The following LRBA variants were observed in gnomAD, a reference collection of about 807,000 sequenced individuals.
The protein encoded by LRBA is LPS responsive beige-like anchor protein, also known as lipopolysaccharide-responsive and beige-like anchor protein.
A neutral mutation model predicts 330.0 loss-of-function variants in LRBA; 176 were observed. That is an observed-to-expected ratio of 0.53 (90% CI 0.47 to 0.60). The LOEUF is 0.60. Ranked by LOEUF, LRBA falls within the 20% of genes least tolerant of loss-of-function variation. The pLI is 0.00. For synonymous variants in LRBA, 1,230 were observed against 1,193.0 expected, an observed-to-expected ratio of 1.03 and a Z score of -0.64; for missense variants, 3,259 against 3,444.8, an observed-to-expected ratio of 0.95 and a Z score of 1.35.
intron 47 of LRBA, among the ~76,000 whole-genome samples, chr4:150,408,564 T>TA (rs1164941258): frequency 6.6e-6 from 1 of 152,038 alleles, no homozygotes; most frequent in Non-Finnish European, 1.5e-5. Flanking sequence ...ACCCTGATAA[T>TA]AAAGTCAGAT....
At position 150,583,039 on chromosome 4, in the gene LRBA, G is replaced by A. The variant is rs200992768; in HGVS notation, c.6330+5009C>T. The A allele has an allele frequency of 7.1e-5, 113 of 1,595,624 alleles. No homozygotes were observed. In the East Asian group the frequency reaches 2.4e-3, roughly 33 times the overall value. On this transcript the variant is annotated intron_variant, in intron 40 of 56. Coordinates refer to ENST00000651943, the MANE Select transcript of LRBA (RefSeq NM_001364905.1). The surrounding 1 kb of genome is among the most constrained non-coding windows in gnomAD (Gnocchi z 9.8). ...GGACCTGTGCCCCAACATGATCGCC[G>A]CTCAGGCCAAGCTGGTTTACCAGCT...
intron 22 of LRBA, 68 bp downstream of exon 22, chr4:150,867,603 T>C: frequency 7.7e-7 from 1 of 1,305,754 alleles, no homozygotes. Context: ...CGAAATTTTT[T>C]AAATGACTAA....
At chr4:150,746,417 C>T (rs1297995573) in intron 35 of LRBA, among the ~76,000 whole-genome samples, 3 of 151,914 alleles carry the variant, frequency 2.0e-5, no homozygotes, top group African/African-American at 7.2e-5. Flanking sequence ...AAATATCAGT[C>T]ATATCTTCCT....
intron 40 of LRBA, among the ~76,000 whole-genome samples, chr4:150,538,989 T>C (rs1364389152): frequency 6.6e-6 from 1 of 152,032 alleles, no homozygotes; most frequent in Non-Finnish European, 1.5e-5. Flanking sequence ...CTTTTTTTTT[T>C]TGTTAGACAG....
At chr4:150,777,522 T>C (rs1463864735) in intron 34 of LRBA, among the ~76,000 whole-genome samples, 1 of 152,148 alleles carries the variant, frequency 6.6e-6, no homozygotes, top group Non-Finnish European at 1.5e-5. Context: ...TATGCCCTTG[T>C]AAAACGAAGC....
At chr4:150,528,525 T>C (rs776737369) in intron 40 of LRBA, among the ~76,000 whole-genome samples, 1 of 151,870 alleles carries the variant, frequency 6.6e-6, no homozygotes, top group Non-Finnish European at 1.5e-5. Flanking sequence ...AGTGATACTT[T>C]CTTAATTTCC....
At chr4:150,666,482 C>G (rs572001944) in intron 37 of LRBA, among the ~76,000 whole-genome samples, 1 of 151,822 alleles carries the variant, frequency 6.6e-6, no homozygotes, top group Admixed American at 6.6e-5. Context: ...ACTGTGTACT[C>G]CAGCCTGGGC....
intron 34 of LRBA, among the ~76,000 whole-genome samples, chr4:150,777,415 C>T (rs1737541174): frequency 6.6e-6 from 1 of 151,858 alleles, no homozygotes; most frequent in South Asian, 2.1e-4. Context: ...GAACTCATGT[C>T]AAACTGTTTC....
chr4:150,817,350 AT>A (rs1317603811), intron 30 of LRBA, 93 bp from the exon 31 acceptor site: 2 of 1,121,796 alleles, frequency 1.8e-6, no homozygotes, highest in Non-Finnish European at 2.6e-6. Context: ...TAGCTAACTT[AT>A]TTTTCTAATT....
chr4:150,639,813 GTGTGTGTATATATATATATATA>G (rs1778431884), intron 37 of LRBA, among the ~76,000 whole-genome samples: 180 of 7,260 alleles, frequency 0.025, 19 homozygotes, highest in Non-Finnish European at 0.048. Flanking sequence ...ATATGTGTGT[GTGTGTGTATATATATATATATA>G]TATATATATA....
At chr4:150,455,708 A>C (rs1382067264) in intron 44 of LRBA, among the ~76,000 whole-genome samples, 1 of 152,128 alleles carries the variant, frequency 6.6e-6, no homozygotes, top group Non-Finnish European at 1.5e-5. Flanking sequence ...CAATTATATT[A>C]GTGTTGACTA....
At position 150,828,496 on chromosome 4, in the gene LRBA, C is replaced by A. The variant is rs143883830; in HGVS notation, c.4855G>T (p.Val1619Leu). The change falls in exon 30 of 57, where the codon GTG becomes TTG. Residue 1619 changes from valine (V) to leucine (L), a missense_variant. By Grantham distance (32) the Val-to-Leu change is conservative. Transcript: ENST00000651943. ...GGTGCTGTGTGAGGAGTTACTTCCA[C>A]ATGGCTTCCTAAACCAGTGGCTGTT... ...EETATGLGSH[V>L]EVTPHTAPPG... 135 of 1,614,024 alleles carry A rather than the reference C, an allele frequency of 8.4e-5. No homozygotes were observed. The African/African-American group carries it at 1.7e-3, about 20-fold the overall frequency.
At chr4:150,429,915 T>C (rs1750147696) in intron 46 of LRBA, among the ~76,000 whole-genome samples, 1 of 152,176 alleles carries the variant, frequency 6.6e-6, no homozygotes. Flanking sequence ...TGCTCTCTAC[T>C]ATATATTAAA....
intron 44 of LRBA, among the ~76,000 whole-genome samples, chr4:150,438,705 A>G (rs1751449957): frequency 6.6e-6 from 1 of 152,304 alleles, no homozygotes; most frequent in South Asian, 2.1e-4. Context: ...AAATGAAGCA[A>G]TGTTCAGACC....
At chr4:150,824,949 G>A (rs568427462) in intron 30 of LRBA, among the ~76,000 whole-genome samples, 2 of 151,658 alleles carry the variant, frequency 1.3e-5, no homozygotes, top group African/African-American at 4.8e-5. Context: ...TAATCTTTTT[G>A]TTTTAAAATC....
At chr4:150,686,106 C>T (rs1224760593) in intron 36 of LRBA, among the ~76,000 whole-genome samples, 1 of 152,180 alleles carries the variant, frequency 6.6e-6, no homozygotes, top group Non-Finnish European at 1.5e-5. Context: ...CACTCATTTA[C>T]CTCTTTAGGT....
intron 48 of LRBA, among the ~76,000 whole-genome samples, chr4:150,328,033 T>A (rs536626758): frequency 3.9e-5 from 6 of 152,168 alleles, no homozygotes; most frequent in African/African-American, 9.6e-5. Context: ...GCTATGGTAA[T>A]AGTAACAAAG....
intron 18 of LRBA, among the ~76,000 whole-genome samples, 178 bp downstream of exon 18, chr4:150,872,485 A>T (rs1399479881): frequency 6.6e-6 from 1 of 152,172 alleles, no homozygotes; most frequent in Non-Finnish European, 1.5e-5. Context: ...TGTACAAAAA[A>T]ATTAATCCTG....
chr4:150,436,989 C>T (rs1011754573), intron 44 of LRBA, 125 bp from the exon 45 acceptor site: 5 of 826,594 alleles, frequency 6.0e-6, no homozygotes, highest in Non-Finnish European at 9.7e-6. Context: ...ACTACTTAAG[C>T]TGCAACACAG....
Sources: gnomAD v4.1 joint callset for allele counts (sites outside exome capture counted in the v4.1 genomes callset) on GRCh38, gnomAD v4.1.1 for gene constraint, Gnocchi (gnomAD v3.1) non-coding constraint, MANE v1.5 for transcripts, NCBI Gene and HGNC (gene_info 2026-07-23, HGNC 2026-07-21) for gene names.